Variants in GALNTL6 observed in about 807,000 individuals in gnomAD.
GALNTL6 encodes the protein polypeptide N-acetylgalactosaminyltransferase like 6.
A neutral mutation model predicts 73.7 loss-of-function variants in GALNTL6; 46 were observed. That is an observed-to-expected ratio of 0.62 (90% CI 0.49 to 0.80). The LOEUF is 0.80. Among genes scored for constraint, GALNTL6 ranks in the 30% least tolerant of loss-of-function variants. The pLI is 0.00. For synonymous variants in GALNTL6, 259 were observed against 263.7 expected (o/e 0.98, Z 0.17); for missense variants, 604 against 755.0 (o/e 0.80, Z 2.34).
intron 2 of GALNTL6, among the ~76,000 whole-genome samples, chr4:172,058,536 CTGTG>C (rs773896862): frequency 6.6e-6 from 1 of 151,514 alleles, no homozygotes; most frequent in African/African-American, 2.4e-5. Flanking sequence ...TGTTTTGTGT[CTGTG>C]TGTGTGTGCA....
chr4:172,604,538 T>A (rs1401612748), intron 5 of GALNTL6, among the ~76,000 whole-genome samples: 1 of 152,214 alleles, frequency 6.6e-6, no homozygotes, highest in Non-Finnish European at 1.5e-5. Flanking sequence ...AATGGCGATC[T>A]CAAAGTCTTT....
At position 172,931,000 on chromosome 4, in the gene GALNTL6, T is replaced by TA. The variant is rs576216200; in HGVS notation, c.1042-153dup. Among the ~76,000 whole-genome samples the TA allele has an allele frequency of 1.9e-4, 29 of 152,154 alleles. No individual in the cohort carries two copies. The East Asian group carries it at 2.3e-3, about 12-fold the overall frequency. On this transcript the variant is annotated intron_variant, in intron 8 of 12. Transcript: ENST00000506823. ...TTTAAACTTTTATGAATCTAGGTTT[T>TA]AAAAAAAAGTGGTTTTCTTTTCTGG...
chr4:172,918,388 T>TA lies in GALNTL6; in HGVS notation c.1042-12765dup, dbSNP rs567036210. On this transcript the variant is annotated intron_variant, in intron 8 of 12. Transcript: ENST00000506823. The stretch of plus-strand genomic sequence containing the variant: ...GTACCCTAGAACTTAAAGTATAATT[T>TA]AAAAAAAATAAAATAAAATAAAAAA... Among the ~76,000 whole-genome samples, 1,210 of 151,618 alleles carry TA rather than the reference T, an allele frequency of 8.0e-3. 13 individuals carry two copies. Among genetic ancestry groups the TA allele is most frequent in the African/African-American group, 0.028 (1,146 of 41,342 alleles).
chr4:172,312,495 G>A (rs970569511), intron 4 of GALNTL6, among the ~76,000 whole-genome samples: 4 of 152,128 alleles, frequency 2.6e-5, no homozygotes, highest in African/African-American at 9.7e-5. Context: ...AATTTGTAAT[G>A]TAGTGTTGGC....
intron 12 of GALNTL6, among the ~76,000 whole-genome samples, chr4:173,038,546 C>G (rs1753787115): frequency 6.6e-6 from 1 of 152,184 alleles, no homozygotes; most frequent in Non-Finnish European, 1.5e-5. Context: ...CAGGAGCCCT[C>G]TTTGTGTAAG....
At chr4:171,878,017 T>G (rs926870252) in intron 2 of GALNTL6, among the ~76,000 whole-genome samples, 7 of 152,206 alleles carry the variant, frequency 4.6e-5, no homozygotes, top group Admixed American at 2.0e-4. Flanking sequence ...ATTCTGTTTA[T>G]AAATGACTTC....
intron 5 of GALNTL6, among the ~76,000 whole-genome samples, chr4:172,721,137 T>A (rs1006311172): frequency 6.6e-6 from 1 of 152,350 alleles, no homozygotes; most frequent in Non-Finnish European, 1.5e-5. Context: ...GCTTCTAAAT[T>A]GCTTTGTGAA....
intron 3 of GALNTL6, among the ~76,000 whole-genome samples, chr4:172,296,275 T>C (rs1444821208): frequency 6.6e-6 from 1 of 152,228 alleles, no homozygotes; most frequent in Non-Finnish European, 1.5e-5. Context: ...GTATTTATTA[T>C]ATTGAATGTT....
At chr4:172,173,959 A>G (rs1734912384) in intron 2 of GALNTL6, among the ~76,000 whole-genome samples, 2 of 151,638 alleles carry the variant, frequency 1.3e-5, no homozygotes, top group South Asian at 4.1e-4. Flanking sequence ...AGGTGAAAAG[A>G]TAGTCAGGGA....
At chr4:171,937,642 T>A (rs1282468222) in intron 2 of GALNTL6, among the ~76,000 whole-genome samples, 1 of 152,130 alleles carries the variant, frequency 6.6e-6, no homozygotes, top group African/African-American at 2.4e-5. Flanking sequence ...CACCAAGCAG[T>A]TGAAATAGAA....
At chr4:172,789,616 G>A (rs1200943963) in intron 5 of GALNTL6, among the ~76,000 whole-genome samples, 12 of 151,906 alleles carry the variant, frequency 7.9e-5, no homozygotes, top group Non-Finnish European at 1.3e-4. Context: ...GTGCCCTCCC[G>A]GGGTGTGTCA....
intron 7 of GALNTL6, among the ~76,000 whole-genome samples, chr4:172,835,712 C>T (rs1276828046): frequency 1.3e-5 from 2 of 152,060 alleles, no homozygotes; most frequent in Admixed American, 6.5e-5. Flanking sequence ...GAAGTGAATA[C>T]CATGTGGATA....
chr4:171,960,750 A>G (rs1355045320), intron 2 of GALNTL6, among the ~76,000 whole-genome samples: 2 of 150,664 alleles, frequency 1.3e-5, no homozygotes, highest in African/African-American at 4.9e-5. Context: ...GAACCTTACT[A>G]GGAAGGTAAA....
chr4:172,170,552 C>T (rs1370461726), intron 2 of GALNTL6, among the ~76,000 whole-genome samples: 7 of 149,730 alleles, frequency 4.7e-5, no homozygotes, highest in Non-Finnish European at 1.0e-4. Flanking sequence ...CTCTGTCACC[C>T]AGTCTAGAGT....
intron 2 of GALNTL6, among the ~76,000 whole-genome samples, chr4:172,169,546 C>T (rs761166175): frequency 6.6e-6 from 1 of 152,008 alleles, no homozygotes; most frequent in East Asian, 1.9e-4. Flanking sequence ...TAGAACAGAG[C>T]TTTAAGTTTC....
At chr4:172,462,984 C>G (rs1732670947) in intron 5 of GALNTL6, among the ~76,000 whole-genome samples, 1 of 152,164 alleles carries the variant, frequency 6.6e-6, no homozygotes, top group African/African-American at 2.4e-5. Context: ...CCACAAAATA[C>G]AAGGACTGCC....
intron 2 of GALNTL6, among the ~76,000 whole-genome samples, chr4:171,947,699 C>T (rs531860055): frequency 6.6e-6 from 1 of 152,240 alleles, no homozygotes; most frequent in Non-Finnish European, 1.5e-5. Context: ...CTCTGGTCCA[C>T]ATGACCCAGG....
At chr4:172,106,132 T>A (rs1732668631) in intron 2 of GALNTL6, among the ~76,000 whole-genome samples, 1 of 152,080 alleles carries the variant, frequency 6.6e-6, no homozygotes, top group Non-Finnish European at 1.5e-5. Context: ...AGCAAAAGGG[T>A]TCAGAGAGTG....
At chr4:172,399,396 CAG>C (rs1188569030) in intron 5 of GALNTL6, among the ~76,000 whole-genome samples, 2 of 151,732 alleles carry the variant, frequency 1.3e-5, no homozygotes, top group African/African-American at 4.8e-5. Context: ...GCAGAGTAAA[CAG>C]AACACTGCAT....
Sources: gnomAD v4.1 joint callset for allele counts (sites outside exome capture counted in the v4.1 genomes callset) on GRCh38, gnomAD v4.1.1 for gene constraint, MANE v1.5 for transcripts, NCBI Gene and HGNC (gene_info 2026-07-23, HGNC 2026-07-21) for gene names.